ADGRB3: variants seen among roughly 807,000 people sequenced by gnomAD.
ADGRB3 encodes the protein adhesion G protein-coupled receptor B3.
ADGRB3 carries 37 observed loss-of-function variants against 193.4 expected under a neutral mutation model. That is an observed-to-expected ratio of 0.19 (90% CI 0.15 to 0.25). ADGRB3 has a LOEUF of 0.25. Among genes scored for constraint, ADGRB3 ranks in the 10% least tolerant of loss-of-function variants. The pLI, the probability that ADGRB3 is intolerant of heterozygous loss-of-function variation, is 1.00. For missense variants in ADGRB3, 1,637 were observed against 1,852.9 expected, an observed-to-expected ratio of 0.88 and a Z score of 2.14; for synonymous variants, 690 against 644.2, an observed-to-expected ratio of 1.07 and a Z score of -1.08.
At chr6:69,087,038 T>G (rs1421298701) in intron 17 of ADGRB3, among the ~76,000 whole-genome samples, 2 of 152,162 alleles carry the variant, frequency 1.3e-5, no homozygotes, top group African/African-American at 4.8e-5. Context: ...TGCTTAAGTC[T>G]ATAACCTGTC....
At chr6:69,049,425 TCAAA>T in intron 15 of ADGRB3, 79 bp downstream of exon 15, 1 of 1,064,802 alleles carries the variant, frequency 9.4e-7, no homozygotes, top group Non-Finnish European at 1.4e-6. Flanking sequence ...ATAAAAATAG[TCAAA>T]CAAGCTGTGG....
At chr6:69,233,164 G>C (rs770188982) in intron 17 of ADGRB3, 126 bp from the exon 18 acceptor site, 2 of 1,226,690 alleles carry the variant, frequency 1.6e-6, no homozygotes, top group Non-Finnish European at 2.3e-6. Flanking sequence ...ACAACAAGTA[G>C]ATTTTTTTTT....
At chr6:68,973,365 A>G (rs1370668099) in intron 8 of ADGRB3, among the ~76,000 whole-genome samples, 2 of 152,186 alleles carry the variant, frequency 1.3e-5, no homozygotes, top group East Asian at 1.9e-4. Context: ...CAAACCATTC[A>G]TCTTATCTTG....
At chr6:69,019,080 G>A (rs1770184347) in intron 13 of ADGRB3, among the ~76,000 whole-genome samples, 1 of 151,924 alleles carries the variant, frequency 6.6e-6, no homozygotes, top group African/African-American at 2.4e-5. Flanking sequence ...AGTGGATTCT[G>A]TAATGCAACA....
At chr6:69,349,373 A>G (rs1035917009) in intron 26 of ADGRB3, among the ~76,000 whole-genome samples, 2 of 152,238 alleles carry the variant, frequency 1.3e-5, no homozygotes, top group African/African-American at 4.8e-5. Context: ...TTAGATATTA[A>G]GGGATTCTAA....
chr6:69,186,411 A>G (rs922167132), intron 17 of ADGRB3, among the ~76,000 whole-genome samples: 12 of 152,232 alleles, frequency 7.9e-5, no homozygotes, highest in Middle Eastern at 3.4e-3. Context: ...CAAAGATGGA[A>G]CATATGCTTA....
intron 3 of ADGRB3, among the ~76,000 whole-genome samples, chr6:68,787,384 A>G (rs988105929): frequency 3.9e-5 from 6 of 152,318 alleles, no homozygotes; most frequent in Middle Eastern, 6.8e-3. Flanking sequence ...ATTTTGTCAC[A>G]GGCCTTTTCT....
At chr6:69,050,722 G>T (rs1052412859) in intron 15 of ADGRB3, among the ~76,000 whole-genome samples, 2 of 152,232 alleles carry the variant, frequency 1.3e-5, no homozygotes, top group African/African-American at 2.4e-5. Context: ...TTAAAATCAG[G>T]TGACTTGTGT....
intron 20 of ADGRB3, among the ~76,000 whole-genome samples, chr6:69,312,701 C>T (rs988124011): frequency 6.6e-6 from 1 of 151,678 alleles, no homozygotes; most frequent in Non-Finnish European, 1.5e-5. Flanking sequence ...TAAAAAAATA[C>T]ATTTTATTGT....
intron 17 of ADGRB3, among the ~76,000 whole-genome samples, chr6:69,127,285 T>G (rs1773879132): frequency 6.6e-6 from 1 of 152,210 alleles, no homozygotes. Flanking sequence ...ACACTTTGTA[T>G]TTATTATTTC....
chr6:68,809,265 A>G (rs1228641789), intron 3 of ADGRB3, among the ~76,000 whole-genome samples: 1 of 152,188 alleles, frequency 6.6e-6, no homozygotes, highest in Non-Finnish European at 1.5e-5. Context: ...TATTTTTTTC[A>G]GAGATAATGT....
At chr6:69,162,002 G>A (rs1425127680) in intron 17 of ADGRB3, among the ~76,000 whole-genome samples, 1 of 152,110 alleles carries the variant, frequency 6.6e-6, no homozygotes, top group East Asian at 1.9e-4. Context: ...CTATTTGGCA[G>A]AAGTAAATCA....
At chr6:68,833,217 T>C (rs1767985974) in intron 3 of ADGRB3, among the ~76,000 whole-genome samples, 1 of 152,056 alleles carries the variant, frequency 6.6e-6, no homozygotes, top group Admixed American at 6.6e-5. Flanking sequence ...GTGAATTATT[T>C]TAATAAAGTT....
chr6:68,686,513 C>G (rs1345385436), intron 3 of ADGRB3, among the ~76,000 whole-genome samples: 1 of 152,056 alleles, frequency 6.6e-6, no homozygotes, highest in African/African-American at 2.4e-5. Context: ...GCTTCAGGAT[C>G]CTGATCCTAC....
chr6:68,833,637 A>G (rs1659307020), intron 3 of ADGRB3, among the ~76,000 whole-genome samples: 1 of 151,004 alleles, frequency 6.6e-6, no homozygotes, highest in Non-Finnish European at 1.5e-5. Context: ...AGATCAGTAA[A>G]CCAATTAGCT....
At chr6:68,666,109 A>T (rs1768793472) in intron 3 of ADGRB3, among the ~76,000 whole-genome samples, 1 of 151,920 alleles carries the variant, frequency 6.6e-6, no homozygotes, top group African/African-American at 2.4e-5. Context: ...TCATTAATAA[A>T]TATCTCATAG....
intron 17 of ADGRB3, among the ~76,000 whole-genome samples, chr6:69,125,541 C>T (rs1015730088): frequency 2.0e-5 from 3 of 152,138 alleles, no homozygotes; most frequent in African/African-American, 7.2e-5. Flanking sequence ...TGTCTATGAA[C>T]AGCCCTTCCA....
chr6:68,776,664 C>T (rs77149045), intron 3 of ADGRB3, among the ~76,000 whole-genome samples: 11 of 152,158 alleles, frequency 7.2e-5, no homozygotes, highest in Non-Finnish European at 1.3e-4. Flanking sequence ...CAGAGGGAGT[C>T]TAAACGGAGC....
In ADGRB3 at chr6:69,075,985, T is replaced by C. The variant is rs938186702; in HGVS notation, c.2437-10T>C. On this transcript the variant is annotated splice_polypyrimidine_tract_variant and intron_variant, in intron 16 of 31. Transcript: ENST00000370598. ...AAGATATATGCATTCTTTCTCTGCT[T>C]TTTTTTTAGGGTACTTTGAATCCCT... 10 of 1,609,000 alleles carry C rather than the reference T, an allele frequency of 6.2e-6. No individual in the cohort carries two copies. Among genetic ancestry groups the C allele is most frequent in the Non-Finnish European group, 8.5e-6 (10 of 1,176,290 alleles).
Sources: allele counts gnomAD v4.1 joint callset (sites outside exome capture counted in the v4.1 genomes callset), GRCh38; gene constraint gnomAD v4.1.1; transcripts MANE v1.5; gene names NCBI Gene and HGNC (gene_info 2026-07-23, HGNC 2026-07-21).